CELF2: variants seen among roughly 807,000 people sequenced by gnomAD.
CELF2 encodes the protein CUGBP Elav-like family member 2.
Under a neutral mutation model 62.6 loss-of-function variants are expected in CELF2, and 8 were observed. That is an observed-to-expected ratio of 0.13 (90% CI 0.07 to 0.23). CELF2 has a LOEUF of 0.23. Among genes scored for constraint, CELF2 ranks in the 10% least tolerant of loss-of-function variants. The pLI, the probability that CELF2 is intolerant of heterozygous loss-of-function variation, is 1.00. For missense variants in CELF2, 333 were observed against 671.0 expected, an observed-to-expected ratio of 0.50 and a Z score of 5.56; for synonymous variants, 258 against 250.0, an observed-to-expected ratio of 1.03 and a Z score of -0.30.
chr10:10,797,711 G>T (rs1468589629), upstream of CELF2, among the ~76,000 whole-genome samples: 1 of 152,222 alleles, frequency 6.6e-6, no homozygotes, highest in Non-Finnish European at 1.5e-5. Flanking sequence ...CCAGGATCCT[G>T]AGGGCAGGAG....
upstream of CELF2, among the ~76,000 whole-genome samples, chr10:11,003,741 C>T (rs1198467190): frequency 6.6e-6 from 1 of 152,054 alleles, no homozygotes; most frequent in African/African-American, 2.4e-5. The surrounding 1 kb of genome is among the most constrained non-coding windows in gnomAD (Gnocchi z 4.4). Context: ...TTTCTTACTT[C>T]AAAAGAACAT....
At chr10:11,240,448 A>G (rs4357602) in intron 3 of CELF2, among the ~76,000 whole-genome samples, 5,960 of 152,302 alleles carry the variant, frequency 0.039, 347 homozygotes, top group East Asian at 0.24. Flanking sequence ...CTCAGCGTCT[A>G]TGTAGAACAT....
the CELF2 span, among the ~76,000 whole-genome samples, chr10:10,678,297 G>A: frequency 6.6e-6 from 1 of 151,822 alleles, no homozygotes. Context: ...AAATTGTTTT[G>A]CCTTACTGTG....
At chr10:10,798,680 C>T (rs1336328996) in exon 1 of CELF2, 2 of 398,780 alleles carry the variant, frequency 5.0e-6, no homozygotes, top group Non-Finnish European at 8.8e-6. Flanking sequence ...AGGGCCCGGC[C>T]TGGGTCCAGA....
intron 3 of CELF2, among the ~76,000 whole-genome samples, chr10:11,231,789 C>T (rs7091391): frequency 0.76 from 114,490 of 150,066 alleles, 44,830 homozygotes; most frequent in Non-Finnish European, 0.87. Context: ...AGCATGAGGT[C>T]AACTGAACCT....
At chr10:10,815,564 A>G (rs2131837053) in intron 1 of CELF2, among the ~76,000 whole-genome samples, 1 of 152,320 alleles carries the variant, frequency 6.6e-6, no homozygotes, top group Middle Eastern at 3.4e-3. Flanking sequence ...TATTGAACAT[A>G]TCTTGGGCAA....
chr10:10,564,927 G>A, the CELF2 span, among the ~76,000 whole-genome samples: 13,517 of 152,166 alleles, frequency 0.089, 1,974 homozygotes, highest in African/African-American at 0.31. Flanking sequence ...TGTGGTAAGA[G>A]CTCTGCATAA....
At chr10:10,563,668 C>T in the CELF2 span, among the ~76,000 whole-genome samples, 13 of 149,470 alleles carry the variant, frequency 8.7e-5, no homozygotes, top group African/African-American at 2.5e-4. Context: ...TTGCTGATGG[C>T]GGGGTGGGAT....
intron 1 of CELF2, among the ~76,000 whole-genome samples, chr10:10,865,134 A>T (rs577092417): frequency 6.6e-6 from 1 of 152,190 alleles, no homozygotes; most frequent in Non-Finnish European, 1.5e-5. Context: ...CAGAATCACC[A>T]TTAAACAGAA....
At chr10:10,808,293 C>A (rs1335377888) in intron 1 of CELF2, among the ~76,000 whole-genome samples, 2 of 152,154 alleles carry the variant, frequency 1.3e-5, no homozygotes. Context: ...TTTTGAAATA[C>A]CACATTTACC....
the CELF2 span, among the ~76,000 whole-genome samples, chr10:10,684,415 T>A: frequency 6.6e-6 from 1 of 152,168 alleles, no homozygotes; most frequent in Admixed American, 6.5e-5. Flanking sequence ...CGATTTCCAT[T>A]GCCAGAAGGT....
intron 1 of CELF2, chr10:11,018,635 G>A (rs2057746265): frequency 6.6e-6 from 1 of 152,518 alleles, no homozygotes; most frequent in South Asian, 1.9e-4. Flanking sequence ...GCGGGGACCG[G>A]GCGGGGTCTG....
At chr10:11,293,661 G>A (rs977995690) in intron 9 of CELF2, among the ~76,000 whole-genome samples, 4 of 152,230 alleles carry the variant, frequency 2.6e-5, no homozygotes, top group Non-Finnish European at 4.4e-5. Context: ...TCTGCAGGAC[G>A]GTGATGTGGG....
intron 1 of CELF2, among the ~76,000 whole-genome samples, chr10:11,020,551 A>G (rs1272437766): frequency 6.6e-6 from 1 of 152,180 alleles, no homozygotes; most frequent in Non-Finnish European, 1.5e-5. Flanking sequence ...ACTGGTTGTC[A>G]TGTGTGGTAT....
the CELF2 span, among the ~76,000 whole-genome samples, chr10:10,712,231 C>T: frequency 2.7e-5 from 4 of 149,342 alleles, no homozygotes; most frequent in Non-Finnish European, 5.9e-5. Flanking sequence ...TCATCTGAGG[C>T]TTACATGATA....
In CELF2 at chr10:10,852,346, G is replaced by A. The variant is rs976335608; in HGVS notation, c.53+53529G>A. ...TGAATGAAAAAAGCCAATTCCAAAG[G>A]GTTACTTGCTATATGACTTCATTCA... is the stretch of plus-strand genomic sequence containing the variant. On this transcript the variant is annotated intron_variant, in intron 1 of 13. Transcript: ENST00000636488. Among the ~76,000 whole-genome samples the A allele has an allele frequency of 3.3e-5, 5 of 152,080 alleles. No individual in the cohort carries two copies. In the South Asian group the frequency reaches 6.2e-4, roughly 19 times the overall value.
chr10:11,120,999 T>C (rs908329722), intron 1 of CELF2, among the ~76,000 whole-genome samples: 7 of 152,150 alleles, frequency 4.6e-5, no homozygotes, highest in African/African-American at 1.7e-4. Flanking sequence ...GTGTGTAGCC[T>C]GTAAATGAGC....
the CELF2 span, among the ~76,000 whole-genome samples, chr10:10,580,549 C>T: frequency 6.6e-6 from 1 of 152,178 alleles, no homozygotes; most frequent in African/African-American, 2.4e-5. Flanking sequence ...AACTGTGTGA[C>T]CTTCGGCAAG....
intron 2 of CELF2, among the ~76,000 whole-genome samples, chr10:11,202,947 CTCTCTGTG>C (rs201087184): frequency 0.028 from 1,435 of 51,926 alleles, 11 homozygotes; most frequent in Non-Finnish European, 0.037. Flanking sequence ...CTCTCTCTCT[CTCTCTGTG>C]TGTGTGTGTG....
Sources: gnomAD v4.1 joint callset for allele counts (sites outside exome capture counted in the v4.1 genomes callset) on GRCh38, gnomAD v4.1.1 for gene constraint, Gnocchi (gnomAD v3.1) non-coding constraint, MANE v1.5 for transcripts, NCBI Gene and HGNC (gene_info 2026-07-23, HGNC 2026-07-21) for gene names.